The following CLCN7 variants were observed in gnomAD, a reference collection of about 807,000 sequenced individuals.
CLCN7 encodes the protein Cl-/H+ antiporter 7.
CLCN7 carries 60 observed loss-of-function variants against 102.1 expected under a neutral mutation model. The observed-to-expected ratio is 0.59, with a 90% CI of 0.48 to 0.73. The LOEUF is 0.73. Among genes scored for constraint, CLCN7 ranks in the 30% least tolerant of loss-of-function variants. The pLI is 0.00. For missense variants in CLCN7, 962 were observed against 1,125.7 expected (o/e 0.85, Z 2.08); for synonymous variants, 560 against 490.5 (o/e 1.14, Z -1.87).
chr16:1,455,850 C>G, intron 10 of CLCN7, 55 bp from the exon 11 acceptor site: 1 of 1,570,176 alleles, frequency 6.4e-7, no homozygotes, highest in Non-Finnish European at 8.7e-7. Flanking sequence ...ACCATGCCCA[C>G]CACCAACTCC....
chr16:1,471,341 A>C (rs2039074936), intron 1 of CLCN7, among the ~76,000 whole-genome samples: 1 of 152,206 alleles, frequency 6.6e-6, no homozygotes, highest in Non-Finnish European at 1.5e-5. Flanking sequence ...TCTCATGTTC[A>C]CTGGAACAGT....
At chr16:1,470,735 C>G (rs911340773) in intron 1 of CLCN7, among the ~76,000 whole-genome samples, 1 of 152,222 alleles carries the variant, frequency 6.6e-6, no homozygotes, top group Non-Finnish European at 1.5e-5. Context: ...GGGCCACTGG[C>G]GACGACCCCA....
intron 21 of CLCN7, among the ~76,000 whole-genome samples, chr16:1,447,924 G>A (rs922917979): frequency 6.6e-6 from 1 of 152,246 alleles, no homozygotes; most frequent in East Asian, 1.9e-4. Context: ...CAGGGTAGCG[G>A]GGCCTGACCG....
chr16:1,461,354 G>GGCACCAGGCCCC, intron 4 of CLCN7, 51 bp downstream of exon 4: 1 of 1,491,044 alleles, frequency 6.7e-7, no homozygotes, highest in East Asian at 2.5e-5. Context: ...AGGCCCGGCC[G>GGCACCAGGCCCC]GCACCAGGCC....
chr16:1,465,395 G>T, intron 1 of CLCN7, 57 bp from the exon 2 acceptor site: 1 of 1,485,620 alleles, frequency 6.7e-7, no homozygotes, highest in Non-Finnish European at 9.3e-7. Context: ...CTGCTCCGTG[G>T]ATTCTCACTC....
At chr16:1,464,283 C>A (rs2038975371) in intron 2 of CLCN7, among the ~76,000 whole-genome samples, 2 of 152,240 alleles carry the variant, frequency 1.3e-5, no homozygotes, top group South Asian at 4.1e-4. Context: ...CAGGCACCCG[C>A]TCCAGGGTTG....
intron 1 of CLCN7, among the ~76,000 whole-genome samples, chr16:1,468,714 G>A (rs1015253685): frequency 5.3e-5 from 8 of 152,050 alleles, no homozygotes; most frequent in African/African-American, 1.9e-4. Flanking sequence ...AGAAAGATGG[G>A]TCTGAAAATA....
chr16:1,447,632 A>G (rs202204757), intron 22 of CLCN7, 23 bp downstream of exon 22: 76 of 1,552,678 alleles, frequency 4.9e-5, no homozygotes, highest in Non-Finnish European at 4.7e-5. Context: ...CACCCGCCCA[A>G]TGGCCCGGAG....
At position 1,456,146 on chromosome 16, in the gene CLCN7, C is replaced by A; in HGVS notation, c.883G>T (p.Ala295Ser). The part of the protein sequence containing the change: ...KRDFVSAGAA[A>S]GVSAAFGAPV... ...GCTCCAAACGCCGCTGACACTCCGG[C>A]CGCAGCCCCTGCGGAGACGAAGTCC... The change falls in exon 10 of 25, where the codon GCC becomes TCC. Residue 295 changes from alanine to serine, a missense_variant. Physicochemically the swap from Ala to Ser is moderately conservative, Grantham distance 99. Transcript: ENST00000382745. 6.4e-7 allele frequency: 1 copy of A among 1,564,362 alleles called. No individual in the cohort carries two copies. The highest frequency in any genetic ancestry group is 2.4e-5 in the East Asian group (1 of 41,838).
intron 10 of CLCN7, 111 bp downstream of exon 10, chr16:1,456,002 G>T: frequency 9.3e-7 from 1 of 1,077,960 alleles, no homozygotes; most frequent in Non-Finnish European, 1.4e-6. Context: ...CCCCGGCCGT[G>T]ACTCCAAGCC....
chr16:1,470,037 G>A lies in CLCN7; in HGVS notation c.142-4699C>T, dbSNP rs77357699. Reference sequence around the variant, plus strand: ...CCCTGAGGCAGATGGCAACGAGGGGGCTGGGCAGCAGGAGGAAGGGAGAGC... The same window carrying A: ...CCCTGAGGCAGATGGCAACGAGGGGACTGGGCAGCAGGAGGAAGGGAGAGC... On this transcript the variant is annotated intron_variant, in intron 1 of 24. Transcript: ENST00000382745. 4.4e-3 allele frequency among the ~76,000 whole-genome samples: 665 copies of A among 152,386 alleles called. 5 individuals are homozygous for A. Among genetic ancestry groups the A allele is most frequent in the African/African-American group, 0.015 (615 of 41,592 alleles).
Position 1,459,180 on chromosome 16 carries a change from G to T in CLCN7, c.602C>A (p.Ala201Asp). 6.2e-7 allele frequency: 1 copy of T among 1,613,204 alleles called. No individual in the cohort carries two copies. The highest frequency in any genetic ancestry group is 8.5e-7 in the Non-Finnish European group (1 of 1,179,886). Residue 201 changes from alanine (A) to aspartate (D), a missense_variant, in exon 7 of 25, where the codon GCT becomes GAT. This residue lies in a region of CLCN7 where 799 missense variants were observed against 988.0 expected (regional missense o/e 0.81). Transcript: ENST00000382745. ...SVIVAFIEPVAAGSGIPQIKC... is the reference protein window; with the variant it reads ...SVIVAFIEPVDAGSGIPQIKC... ...GATCTGGGGGATTCCGCTGCCAGCA[G>T]CCACCGGCTGAAAGAGGGGAAGCAC...
intron 4 of CLCN7, 30 bp from the exon 5 acceptor site, chr16:1,460,978 G>A (rs2038927153): frequency 6.2e-7 from 1 of 1,608,944 alleles, no homozygotes; most frequent in East Asian, 2.2e-5. Flanking sequence ...CGAGGGTCAG[G>A]CAGGGCCCTG....
In CLCN7 at chr16:1,447,730, G is replaced by A. The variant is rs543205896; in HGVS notation, c.2014-16C>T. ...GCCGGGCAGGCTGCAAGACAGGCCC[G>A]CGGTCAGGGCCACGGGCCCGAGGGT... On this transcript the variant is annotated splice_polypyrimidine_tract_variant and intron_variant, in intron 21 of 24. Coordinates refer to ENST00000382745, the MANE Select transcript of CLCN7 (RefSeq NM_001287.6). 9.0e-5 allele frequency: 139 copies of A among 1,549,830 alleles called. No homozygotes were observed. Among genetic ancestry groups the A allele is most frequent in the Admixed American group, 2.5e-4 (13 of 51,024 alleles).
At position 1,446,176 on chromosome 16, in the gene CLCN7, G is replaced by A. The variant is rs1411123099; in HGVS notation, c.*455C>T. 6.6e-6 allele frequency: 4 copies of A among 606,372 alleles called. No homozygotes were observed. Among genetic ancestry groups the A allele is most frequent in the Non-Finnish European group, 1.2e-5 (4 of 341,880 alleles). The allele number at this position is 606,372 out of a possible 1,614,324, so 37.6% of individuals were successfully genotyped here. A position where few individuals can be genotyped will look rare whatever the true frequency, so the allele number is the denominator to read the frequency against. ...TCATGGCTGAAAATGAGGCCAAGCAGCTCCCAAGTCTCGAAGACTCCACTG... is the reference window on the plus strand; with the variant it reads ...TCATGGCTGAAAATGAGGCCAAGCAACTCCCAAGTCTCGAAGACTCCACTG... On this transcript the variant is annotated 3_prime_UTR_variant, in exon 25 of 25. Coordinates refer to ENST00000382745, the MANE Select transcript of CLCN7 (RefSeq NM_001287.6).
chr16:1,459,326 G>A lies in CLCN7; in HGVS notation c.595-139C>T, dbSNP rs575429207. On this transcript the variant is annotated intron_variant, in intron 6 of 24. Transcript: ENST00000382745. ...GGGAAGGGGAGCTCAGCACACAAAC[G>A]TCGGGGCCCCAGGGAAGGGAAGAGC... The A allele has an allele frequency of 1.6e-5, 9 of 576,428 alleles. 1 individual carries two copies. Among genetic ancestry groups the A allele is most frequent in the East Asian group, 6.3e-5 (2 of 31,570 alleles). 35.7% of individuals were successfully genotyped at this position (576,428 alleles called of 1,614,324 possible). A position where few individuals can be genotyped will look rare whatever the true frequency, so the allele number is the denominator to read the frequency against.
intron 1 of CLCN7, among the ~76,000 whole-genome samples, chr16:1,472,162 T>C (rs531489730): frequency 1.3e-5 from 2 of 152,280 alleles, no homozygotes; most frequent in Non-Finnish European, 2.9e-5. Flanking sequence ...TTTTTTAAAT[T>C]GCTTGTAAGC....
chr16:1,447,285 G>C, intron 23 of CLCN7, 107 bp downstream of exon 23: 1 of 1,268,016 alleles, frequency 7.9e-7, no homozygotes, highest in South Asian at 1.4e-5. Context: ...GAGTCACCGA[G>C]TCCTCTCCGC....
intron 17 of CLCN7, 82 bp downstream of exon 17, chr16:1,450,415 T>C (rs1452341154): frequency 7.4e-7 from 1 of 1,343,528 alleles, no homozygotes; most frequent in East Asian, 2.5e-5. Flanking sequence ...TGTCCTGCCC[T>C]GGGACTTCTG....
Sources: allele counts gnomAD v4.1 joint callset (sites outside exome capture counted in the v4.1 genomes callset), GRCh38; gene constraint gnomAD v4.1.1; regional missense constraint gnomAD v4.1.1; transcripts MANE v1.5; gene names NCBI Gene and HGNC (gene_info 2026-07-23, HGNC 2026-07-21).